SLAMF6: variants seen among roughly 807,000 people sequenced by gnomAD.
The protein encoded by SLAMF6 is SLAM family member 6.
In SLAMF6, 21 loss-of-function variants were observed where a neutral mutation model predicts 38.3. That is an observed-to-expected ratio of 0.55 (90% confidence interval 0.39 to 0.79). SLAMF6 has a LOEUF of 0.79. Ranked by LOEUF, SLAMF6 falls within the 30% of genes least tolerant of loss-of-function variation. The pLI, the probability that SLAMF6 is intolerant of heterozygous loss-of-function variation, is 0.00. For synonymous variants in SLAMF6, 152 were observed against 146.3 expected, an observed-to-expected ratio of 1.04 and a Z score of -0.28; for missense variants, 341 against 385.3, an observed-to-expected ratio of 0.89 and a Z score of 0.96.
At chr1:160,497,254 C>T (rs565610962) in intron 1 of SLAMF6, among the ~76,000 whole-genome samples, 35 of 152,192 alleles carry the variant, frequency 2.3e-4, no homozygotes, top group Admixed American at 2.6e-4. Context: ...TAAGCAAAAA[C>T]GGTGAAATGG....
rs1557931184 is a variant in SLAMF6 at position 160,486,312 on chromosome 1, C to A, written c.*395G>T. The stretch of plus-strand genomic sequence containing the variant: ...CAACTCCAGAGACTACACATGTAAC[C>A]AACACACTGCATTATTTCTCAATAA... On this transcript the variant is annotated 3_prime_UTR_variant, in exon 8 of 8. Transcript: ENST00000368057. 1 of 196,902 alleles carries A rather than the reference C, an allele frequency of 5.1e-6. No homozygotes were observed. Among genetic ancestry groups the A allele is most frequent in the South Asian group, 1.0e-4 (1 of 9,736 alleles). 12.2% of individuals were successfully genotyped at this position (196,902 alleles called of 1,614,324 possible).
Position 160,496,084 on chromosome 1 carries a change from G to C in SLAMF6, c.359C>G (p.Ser120Cys), listed in dbSNP as rs528795830. 8.7e-6 allele frequency: 14 copies of C among 1,613,286 alleles called. No homozygotes were observed. The highest frequency in any genetic ancestry group is 1.2e-5 in the Non-Finnish European group (14 of 1,179,596). ...ACTTAATATCCTCAGAGTGTAACTG[G>C]ACAGCTTTGCAGAGGTCTTTGTGGA... ...QISTKTSAKL[S>C]SYTLRILRQL... Residue 120 changes from serine to cysteine, a missense_variant, in exon 2 of 8, where the codon TCC becomes TGC. By Grantham distance (112) the Ser-to-Cys change is moderately radical. Transcript: ENST00000368057.
intron 1 of SLAMF6, among the ~76,000 whole-genome samples, chr1:160,508,579 C>T (rs1443130593): frequency 6.6e-6 from 1 of 152,086 alleles, no homozygotes; most frequent in Non-Finnish European, 1.5e-5. Flanking sequence ...TAGGCAATAC[C>T]ATTCAGGATA....
At chr1:160,499,509 T>C (rs1165574539) in intron 1 of SLAMF6, among the ~76,000 whole-genome samples, 1 of 152,214 alleles carries the variant, frequency 6.6e-6, no homozygotes, top group Non-Finnish European at 1.5e-5. Flanking sequence ...TCTGGATTTT[T>C]TGTTTTTGCT....
intron 2 of SLAMF6, among the ~76,000 whole-genome samples, chr1:160,494,471 T>C (rs1653462257): frequency 6.6e-6 from 1 of 151,928 alleles, no homozygotes; most frequent in African/African-American, 2.4e-5. Flanking sequence ...CTGTAGTGGG[T>C]TGAATAATGA....
In SLAMF6 at chr1:160,507,496, A is replaced by C. The variant is rs186076263; in HGVS notation, c.50-11103T>G. On this transcript the variant is annotated intron_variant, in intron 1 of 7. Coordinates refer to ENST00000368057, the MANE Select transcript of SLAMF6 (RefSeq NM_001184714.2). ...GGTCAAAACAACTAGAGAGAAGATC[A>C]ATAAGGAAATAGAGGACTTGGAAAA... Among the ~76,000 whole-genome samples, 513 of 152,270 alleles carry C rather than the reference A, an allele frequency of 3.4e-3. 2 individuals are homozygous for C. Among genetic ancestry groups the C allele is most frequent in the Middle Eastern group, 6.8e-3 (2 of 294 alleles).
chr1:160,501,660 A>G (rs1653901183), intron 1 of SLAMF6, among the ~76,000 whole-genome samples: 2 of 150,386 alleles, frequency 1.3e-5, no homozygotes, highest in South Asian at 4.2e-4. Flanking sequence ...TGAGTTCTCC[A>G]TTACTTAATT....
At chr1:160,512,532 C>T (rs930663991) in intron 1 of SLAMF6, among the ~76,000 whole-genome samples, 1 of 152,206 alleles carries the variant, frequency 6.6e-6, no homozygotes, top group Admixed American at 6.5e-5. Context: ...TAAGTGGGTC[C>T]CTTATCTTGT....
intron 1 of SLAMF6, among the ~76,000 whole-genome samples, chr1:160,513,428 G>A (rs113218691): frequency 0.029 from 4,474 of 152,254 alleles, 128 homozygotes; most frequent in East Asian, 0.11. Flanking sequence ...AAACAAAGTT[G>A]GAAAACATAC....
chr1:160,515,285 C>T (rs1038352377), intron 1 of SLAMF6, among the ~76,000 whole-genome samples: 4 of 152,190 alleles, frequency 2.6e-5, no homozygotes, highest in African/African-American at 9.6e-5. Flanking sequence ...TTCCTGGACA[C>T]ATACACCCTC....
intron 2 of SLAMF6, among the ~76,000 whole-genome samples, chr1:160,495,352 T>A (rs1303791460): frequency 6.6e-6 from 1 of 152,150 alleles, no homozygotes; most frequent in African/African-American, 2.4e-5. Flanking sequence ...ATTTTTCTGA[T>A]ATTGACTCAT....
chr1:160,496,731 G>A (rs1653602846), intron 1 of SLAMF6, among the ~76,000 whole-genome samples: 1 of 152,032 alleles, frequency 6.6e-6, no homozygotes, highest in African/African-American at 2.4e-5. Flanking sequence ...AGGTTGAGGG[G>A]GACAGGAAAC....
At chr1:160,518,173 C>T (rs1048273853) in intron 1 of SLAMF6, among the ~76,000 whole-genome samples, 2 of 151,354 alleles carry the variant, frequency 1.3e-5, no homozygotes, top group Admixed American at 6.6e-5. Flanking sequence ...CATCACTGGT[C>T]ATTAGAGAAA....
At chr1:160,514,048 C>T (rs1050722873) in intron 1 of SLAMF6, among the ~76,000 whole-genome samples, 8 of 152,092 alleles carry the variant, frequency 5.3e-5, no homozygotes, top group Admixed American at 3.3e-4. Context: ...GTGCTAAGTG[C>T]CCCATTTAAA....
chr1:160,486,620 A>G lies in SLAMF6; in HGVS notation c.*87T>C. ...TATTCAAATTCTGTTGCCAGGAACA[A>G]CAGGAACCAAGCTTCCTGTTCTTTG... On this transcript the variant is annotated 3_prime_UTR_variant, in exon 8 of 8. Transcript: ENST00000368057. The G allele has an allele frequency of 7.2e-7, 1 of 1,393,334 alleles. No individual in the cohort carries two copies. Among genetic ancestry groups the G allele is most frequent in the Non-Finnish European group, 1.0e-6 (1 of 984,742 alleles). 86.3% of individuals were successfully genotyped at this position (1,393,334 alleles called of 1,614,324 possible). A position where few individuals can be genotyped will look rare whatever the true frequency, so the allele number is the denominator to read the frequency against.
rs148898538 is a variant in SLAMF6, at chr1:160,516,750, G to C, written c.49+6394C>G. Among the ~76,000 whole-genome samples the C allele has an allele frequency of 8.5e-3, 1,293 of 152,254 alleles. 25 individuals carry two copies. The highest frequency in any genetic ancestry group is 0.03 in the African/African-American group (1,244 of 41,548). ...TCTTCAAAAAACGTGACAAAAACAAGCAATGGGGAAAGGATTCACTATTTA... is the reference window on the plus strand; with the variant it reads ...TCTTCAAAAAACGTGACAAAAACAACCAATGGGGAAAGGATTCACTATTTA... On this transcript the variant is annotated intron_variant, in intron 1 of 7. Transcript: ENST00000368057.
At position 160,490,551 on chromosome 1, in the gene SLAMF6, C is replaced by T. The variant is rs369650987; in HGVS notation, c.757+24G>A. 158 of 1,607,474 alleles carry T rather than the reference C, an allele frequency of 9.8e-5. 1 individual carries two copies. In the South Asian group the frequency reaches 1.7e-3, roughly 17 times the overall value. ...AATCACTGGAACCTTGGAGAAGAGA[C>T]AAGTAGGAAGAAAGGAAACCTGCCT... On this transcript the variant is annotated intron_variant, in intron 4 of 7. Transcript: ENST00000368057.
At chr1:160,510,370 C>T (rs1654410491) in intron 1 of SLAMF6, among the ~76,000 whole-genome samples, 2 of 151,978 alleles carry the variant, frequency 1.3e-5, no homozygotes, top group Non-Finnish European at 2.9e-5. Flanking sequence ...GAATCCAGCT[C>T]ATATTAAAGG....
rs1033089894 is a variant in SLAMF6 at position 160,485,687 on chromosome 1, T to A, written c.*1020A>T. The A allele has an allele frequency of 6.6e-6, 1 of 152,608 alleles. No homozygotes were observed. Among genetic ancestry groups the A allele is most frequent in the Admixed American group, 6.6e-5 (1 of 15,264 alleles). The allele number at this position is 152,608 out of a possible 1,614,324, so 9.5% of individuals were successfully genotyped here. On this transcript the variant is annotated 3_prime_UTR_variant, in exon 8 of 8. Transcript: ENST00000368057. ...AGGATCCAATTTATATTAAAAACAT[T>A]ACTCTGGCCATCTTGTGGAGAGTGG...
Sources: allele counts gnomAD v4.1 joint callset (sites outside exome capture counted in the v4.1 genomes callset), GRCh38; gene constraint gnomAD v4.1.1; transcripts MANE v1.5; gene names NCBI Gene and HGNC (gene_info 2026-07-23, HGNC 2026-07-21).